The following HSPB7 variants were observed in gnomAD, a reference collection of about 807,000 sequenced individuals.
HSPB7 encodes heat shock protein family B (small) member 7, also known as heat shock protein beta-7.
HSPB7 carries 9 observed loss-of-function variants against 11.0 expected under a neutral mutation model. The ratio of observed to expected loss-of-function variants is 0.82; its 90% CI spans 0.49 to 1.43. The LOEUF (loss-of-function observed/expected upper bound fraction) is 1.43. HSPB7 is among the 40% of genes most tolerant of loss of function. The pLI is 0.00. For missense variants in HSPB7, 246 were observed against 243.9 expected, an observed-to-expected ratio of 1.01 and a Z score of -0.06; for synonymous variants, 102 against 101.6, an observed-to-expected ratio of 1.00 and a Z score of -0.02.
At chr1:16,019,350 C>A, upstream of HSPB7, 1 of 1,443,552 alleles carries the variant, frequency 6.9e-7, no homozygotes, top group Non-Finnish European at 9.5e-7. Flanking sequence ...TGTCTTTGTC[C>A]TCCCACAGCA....
At chr1:16,016,149 C>G (rs1026487960) in intron 2 of HSPB7, among the ~76,000 whole-genome samples, 2 of 152,246 alleles carry the variant, frequency 1.3e-5, no homozygotes, top group Non-Finnish European at 2.9e-5. Context: ...AGCGCCGGCC[C>G]CTCCCCCGCA....
chr1:16,018,543 G>C, upstream of HSPB7: 1 of 1,075,534 alleles, frequency 9.3e-7, no homozygotes, highest in Non-Finnish European at 1.1e-6. Flanking sequence ...CCATCTCTAA[G>C]GAAAGGTTGA....
intron 1 of HSPB7, 159 bp downstream of exon 1, chr1:16,017,606 T>A (rs928671097): frequency 2.2e-5 from 14 of 648,694 alleles, no homozygotes; most frequent in Non-Finnish European, 3.2e-5. Flanking sequence ...TGGCCACATC[T>A]GTCCCTGTGG....
Position 16,017,809 on chromosome 1 carries a change from A to G in HSPB7, c.155T>C (p.Phe52Ser). Residue 52 changes from phenylalanine to serine, a missense_variant, in exon 1 of 3, where the codon TTT (phenylalanine) becomes TCT (serine). Phe to Ser is a radical substitution (Grantham distance 155). Transcript: ENST00000311890. ...CGAGTGGGGCCGCATGAAGCTGCCA[A>G]AGTCATCGGAAAACATGCTCAGGGC... The part of the protein sequence containing the change: ...EKALSMFSDD[F>S]GSFMRPHSEP... The G allele has an allele frequency of 6.2e-7, 1 of 1,613,294 alleles. No homozygotes were observed. Among genetic ancestry groups the G allele is most frequent in the Non-Finnish European group, 8.5e-7 (1 of 1,179,648 alleles).
At chr1:16,018,469 G>A, upstream of HSPB7, 1 of 1,138,210 alleles carries the variant, frequency 8.8e-7, no homozygotes, top group Non-Finnish European at 1.1e-6. Flanking sequence ...GACAGGGTAG[G>A]TGGAAGCACC....
chr1:16,018,642 A>G, upstream of HSPB7: 2 of 1,030,872 alleles, frequency 1.9e-6, no homozygotes, highest in African/African-American at 3.5e-5. Flanking sequence ...TCTGACTCTC[A>G]GAACATTCAG....
intron 2 of HSPB7, among the ~76,000 whole-genome samples, chr1:16,016,357 G>A (rs761827773): frequency 2.7e-4 from 41 of 152,182 alleles, no homozygotes; most frequent in Non-Finnish European, 5.4e-4. Context: ...CTTGGGTCAG[G>A]TCCTCTCCTC....
At chr1:16,018,618 G>A, upstream of HSPB7, 1 of 1,039,988 alleles carries the variant, frequency 9.6e-7, no homozygotes, top group East Asian at 1.0e-4. Context: ...CCTGGATTCT[G>A]TGCCTGCACT....
Position 16,017,769 on chromosome 1 carries a change from G to T in HSPB7, c.195C>A (p.Phe65Leu). Residue 65 changes from phenylalanine (F) to leucine (L), a missense_variant, in exon 1 of 3, where the codon TTC becomes TTA. Physicochemically the swap from Phe to Leu is conservative, Grantham distance 22. Coordinates refer to ENST00000311890, the MANE Select transcript of HSPB7 (RefSeq NM_014424.5). ...FMRPHSEPLA[F>L]PARPGGAGNI... ...CTCAGGGCCCGGATCACTTGCCTGG[G>T]AAGGCCAGGGGCTCCGAGTGGGGCC... 6.3e-7 allele frequency: 1 copy of T among 1,596,584 alleles called. No homozygotes were observed.
chr1:16,017,764 C>G lies in HSPB7; in HGVS notation c.199+1G>C, dbSNP rs749202018. ...CTCCCCTCAGGGCCCGGATCACTTG[C>G]CTGGGAAGGCCAGGGGCTCCGAGTG... is the stretch of plus-strand genomic sequence containing the variant. On this transcript the variant is annotated splice_donor_variant, in intron 1 of 2. Coordinates refer to ENST00000311890, the MANE Select transcript of HSPB7 (RefSeq NM_014424.5). LOFTEE classifies it high-confidence loss of function. 6.3e-7 allele frequency: 1 copy of G among 1,592,362 alleles called. No homozygotes were observed. The highest frequency in any genetic ancestry group is 8.5e-7 in the Non-Finnish European group (1 of 1,169,940).
chr1:16,014,086 C>G lies in HSPB7; in HGVS notation c.*1494G>C, dbSNP rs2073185118. 6.6e-6 allele frequency: 1 copy of G among 152,320 alleles called. No individual in the cohort carries two copies. 9.4% of individuals were successfully genotyped at this position (152,320 alleles called of 1,614,324 possible). On this transcript the variant is annotated 3_prime_UTR_variant, in exon 3 of 3. Coordinates refer to ENST00000311890, the MANE Select transcript of HSPB7 (RefSeq NM_014424.5). ...TTCCAGCGTCAGGGCTCTCCCACGG[C>G]CCCCTCCCCAGTCCTCCCCCAAGGG...
chr1:16,019,339 C>CT (rs1179482093), upstream of HSPB7: 17 of 1,435,734 alleles, frequency 1.2e-5, no homozygotes, highest in Non-Finnish European at 1.5e-5. Flanking sequence ...CCAGCACTGA[C>CT]TGTCTTTGTC....
Position 16,015,182 on chromosome 1 carries a change from C to A in HSPB7, c.*398G>T, listed in dbSNP as rs1252854414. 1 of 171,172 alleles carries A rather than the reference C, an allele frequency of 5.8e-6. No individual in the cohort carries two copies. The highest frequency in any genetic ancestry group is 1.8e-4 in the East Asian group (1 of 5,688). 10.6% of individuals were successfully genotyped at this position (171,172 alleles called of 1,614,324 possible). Reference sequence around the variant, plus strand: ...CCCACTCCCCTTGGCCAAGAGGGTTCCAGGTCCCTGGTCCCCTTGCCCTGC... The same window carrying A: ...CCCACTCCCCTTGGCCAAGAGGGTTACAGGTCCCTGGTCCCCTTGCCCTGC... On this transcript the variant is annotated 3_prime_UTR_variant, in exon 3 of 3. Coordinates refer to ENST00000311890, the MANE Select transcript of HSPB7 (RefSeq NM_014424.5). The surrounding 1 kb of genome is among the most constrained non-coding windows in gnomAD (Gnocchi z 4.9).
At chr1:16,018,995 TC>T, upstream of HSPB7, 1 of 989,700 alleles carries the variant, frequency 1.0e-6, no homozygotes, top group East Asian at 2.6e-5. Context: ...GAGCTGGGAT[TC>T]GAACCTAGAT....
Position 16,015,570 on chromosome 1 carries a change from G to A in HSPB7, c.*10C>T, listed in dbSNP as rs370204847. 4.3e-6 allele frequency: 7 copies of A among 1,613,612 alleles called. No homozygotes were observed. Among genetic ancestry groups the A allele is most frequent in the Non-Finnish European group, 5.9e-6 (7 of 1,179,638 alleles). ...GGGCGGGGGGACAGGGAAAGGGAAG[G>A]GAGAGGCACTCAGATTTTGATCTCC... is the stretch of plus-strand genomic sequence containing the variant. On this transcript the variant is annotated 3_prime_UTR_variant, in exon 3 of 3. Transcript: ENST00000311890. The surrounding 1 kb of genome is among the most constrained non-coding windows in gnomAD (Gnocchi z 4.9).
Position 16,015,868 on chromosome 1 carries a change from A to AG in HSPB7, c.334-110dup, listed in dbSNP as rs2148841534. 5 of 1,083,236 alleles carry AG rather than the reference A, an allele frequency of 4.6e-6. No homozygotes were observed. In the South Asian group the frequency reaches 7.9e-5, roughly 17 times the overall value. The allele number at this position is 1,083,236 out of a possible 1,614,324, so 67.1% of individuals were successfully genotyped here. On this transcript the variant is annotated intron_variant, in intron 2 of 2. Coordinates refer to ENST00000311890, the MANE Select transcript of HSPB7 (RefSeq NM_014424.5). The surrounding 1 kb of genome is among the most constrained non-coding windows in gnomAD (Gnocchi z 4.9). ...AACCCCAGCCAGACCCCACATGCCG[A>AG]GGGGCTCTGCCCTCAGGTGCCGAGG...
upstream of HSPB7, chr1:16,018,160 C>T: frequency 6.5e-7 from 1 of 1,538,716 alleles, no homozygotes; most frequent in South Asian, 1.2e-5. Context: ...TGGAAATCTT[C>T]TCCCGTGCGC....
upstream of HSPB7, chr1:16,019,441 C>T (rs2021981164): frequency 1.0e-5 from 16 of 1,550,104 alleles, no homozygotes; most frequent in African/African-American, 1.4e-5. Flanking sequence ...GCAGTTCCCA[C>T]GGGGGCGAGG....
chr1:16,019,483 C>T (rs1206787478), upstream of HSPB7: 4 of 1,536,244 alleles, frequency 2.6e-6, no homozygotes, highest in Admixed American at 8.0e-5. Context: ...ATTGAAGGTT[C>T]TTGAAGACGG....
Sources: gnomAD v4.1 joint callset for allele counts (sites outside exome capture counted in the v4.1 genomes callset) on GRCh38, gnomAD v4.1.1 for gene constraint, Gnocchi (gnomAD v3.1) non-coding constraint, MANE v1.5 for transcripts, NCBI Gene and HGNC (gene_info 2026-07-23, HGNC 2026-07-21) for gene names.